MRPL9: variants seen among roughly 807,000 people sequenced by gnomAD.
MRPL9 encodes mitochondrial ribosomal protein L9.
MRPL9 carries 25 observed loss-of-function variants against 27.6 expected under a neutral mutation model. The observed-to-expected ratio is 0.91, with a 90% CI of 0.66 to 1.27. The LOEUF (loss-of-function observed/expected upper bound fraction) is 1.27, where lower values mean the gene tolerates loss of function less well. MRPL9 is among the 50% of genes most tolerant of loss of function. The pLI is 0.00. For synonymous variants in MRPL9, 154 were observed against 139.0 expected, an observed-to-expected ratio of 1.11 and a Z score of -0.76; for missense variants, 362 against 338.0, an observed-to-expected ratio of 1.07 and a Z score of -0.56.
rs868183846 is a variant in MRPL9, at chr1:151,760,902, GC to G, written c.589-4del. ...TGTGGGGCAACCACAACACCAAGCT[GC>G]AAAAAAAAAAAAAAAAAAAAAAATC... On this transcript the variant is annotated splice_polypyrimidine_tract_variant and splice_region_variant and intron_variant, in intron 5 of 6. Transcript: ENST00000368830. 26 of 1,021,700 alleles carry G rather than the reference GC, an allele frequency of 2.5e-5. No individual in the cohort carries two copies. Among genetic ancestry groups the G allele is most frequent in the South Asian group, 8.0e-5 (3 of 37,480 alleles). The allele number at this position is 1,021,700 out of a possible 1,614,324, so 63.3% of individuals were successfully genotyped here.
Position 151,760,041 on chromosome 1 carries a change from A to G in MRPL9, c.*9T>C, listed in dbSNP as rs1451892250. ...GATTCTGCTTTGCTGCCTTGGAGGG[A>G]GAGTAGATTTAGATCTGGGGGCTGG... is the stretch of plus-strand genomic sequence containing the variant. On this transcript the variant is annotated 3_prime_UTR_variant, in exon 7 of 7. Coordinates refer to ENST00000368830, the MANE Select transcript of MRPL9 (RefSeq NM_031420.4). The G allele has an allele frequency of 1.9e-6, 3 of 1,612,498 alleles. No individual in the cohort carries two copies. Among genetic ancestry groups the G allele is most frequent in the Non-Finnish European group, 2.5e-6 (3 of 1,179,118 alleles).
Position 151,761,549 on chromosome 1 carries a change from CT to C in MRPL9, c.489del (p.Val164Ter), listed in dbSNP as rs1466371099. On this transcript the variant is annotated frameshift_variant and splice_region_variant, in exon 5 of 7. Coordinates refer to ENST00000368830, the MANE Select transcript of MRPL9 (RefSeq NM_031420.4). LOFTEE classifies it high-confidence loss of function. The stretch of plus-strand genomic sequence containing the variant: ...AGGCGACAGCTTTTTAGAAATTTCA[CT>C]GTCTGAAAGGAATTATGAGTTTGAG... The part of the protein sequence containing the change: ...EKIQTKAGEA[T>X]VKFLKSCRLE... 1 of 1,608,512 alleles carries C rather than the reference CT, an allele frequency of 6.2e-7. No homozygotes were observed. The highest frequency in any genetic ancestry group is 1.7e-5 in the Admixed American group (1 of 60,004).
Position 151,762,514 on chromosome 1 carries a change from CAG to C in MRPL9, c.311-16_311-15del. 1.2e-6 allele frequency: 2 copies of C among 1,613,468 alleles called. No individual in the cohort carries two copies. Among genetic ancestry groups the C allele is most frequent in the South Asian group, 1.1e-5 (1 of 91,040 alleles). ...GGACTCCAACATCTGTCAATTAGAA[CAG>C]AGACAGGGGAATTAGAACCATCTAG... On this transcript the variant is annotated splice_polypyrimidine_tract_variant and intron_variant, in intron 2 of 6. Coordinates refer to ENST00000368830, the MANE Select transcript of MRPL9 (RefSeq NM_031420.4).
At chr1:151,761,608 G>A in intron 4 of MRPL9, 56 bp from the exon 5 acceptor site, 1 of 1,358,734 alleles carries the variant, frequency 7.4e-7, no homozygotes, top group South Asian at 1.2e-5. Context: ...GGGTCACAGG[G>A]TATGCAAGCC....
Position 151,762,489 on chromosome 1 carries a change from G to C in MRPL9, c.322C>G (p.Arg108Gly). 6.2e-7 allele frequency: 1 copy of C among 1,613,846 alleles called. No homozygotes were observed. The highest frequency in any genetic ancestry group is 1.1e-5 in the South Asian group (1 of 91,070). ...TTCTTCACTGAGACCAGGTCACCCCGGACTCCAACATCTGTCAATTAGAAC... is the reference window on the plus strand; with the variant it reads ...TTCTTCACTGAGACCAGGTCACCCCCGACTCCAACATCTGTCAATTAGAAC... ...LTQSVENVGV[R>G]GDLVSVKKSL... The change falls in exon 3 of 7, where the codon CGG (arginine) becomes GGG (glycine). Residue 108 changes from arginine (R) to glycine (G), a missense_variant. Arg to Gly is a moderately radical substitution (Grantham distance 125). Transcript: ENST00000368830.
rs367666698 is a variant in MRPL9, at chr1:151,763,160, A to G, written c.154-14T>C. 1.2e-6 allele frequency: 2 copies of G among 1,611,650 alleles called. No homozygotes were observed. Among genetic ancestry groups the G allele is most frequent in the Non-Finnish European group, 1.7e-6 (2 of 1,178,488 alleles). On this transcript the variant is annotated splice_polypyrimidine_tract_variant and intron_variant, in intron 1 of 6. Transcript: ENST00000368830. ...GATGACCGTGCCCTGGCGGCCAGGA[A>G]AGCGACGGTAAGCTAGTCTCCACAA...
Position 151,763,162 on chromosome 1 carries a change from G to A in MRPL9, c.154-16C>T. The stretch of plus-strand genomic sequence containing the variant: ...TGACCGTGCCCTGGCGGCCAGGAAA[G>A]CGACGGTAAGCTAGTCTCCACAAGG... On this transcript the variant is annotated splice_polypyrimidine_tract_variant and intron_variant, in intron 1 of 6. Coordinates refer to ENST00000368830, the MANE Select transcript of MRPL9 (RefSeq NM_031420.4). 2 of 1,611,708 alleles carry A rather than the reference G, an allele frequency of 1.2e-6. No homozygotes were observed. Among genetic ancestry groups the A allele is most frequent in the South Asian group, 1.1e-5 (1 of 90,848 alleles).
rs528081675 is a variant in MRPL9, at chr1:151,759,802, G to C, written c.*248C>G. ...AGCTAAACAGGTTTTGGATGGTTTC[G>C]GTCTACTGCATCTAGCTTATCAAAT... On this transcript the variant is annotated 3_prime_UTR_variant, in exon 7 of 7. Transcript: ENST00000368830. 1.8e-4 allele frequency: 73 copies of C among 414,868 alleles called. No homozygotes were observed. The highest frequency in any genetic ancestry group is 2.7e-4 in the Non-Finnish European group (65 of 239,028). The allele number at this position is 414,868 out of a possible 1,614,324, so 25.7% of individuals were successfully genotyped here.
At chr1:151,761,612 G>T in intron 4 of MRPL9, 60 bp from the exon 5 acceptor site, 1 of 1,270,530 alleles carries the variant, frequency 7.9e-7, no homozygotes, top group Non-Finnish European at 1.1e-6. Flanking sequence ...CACAGGGTAT[G>T]CAAGCCAAGC....
chr1:151,762,960 TGA>T (rs1558128704), intron 2 of MRPL9, 28 bp downstream of exon 2: 1 of 1,608,554 alleles, frequency 6.2e-7, no homozygotes, highest in Admixed American at 1.7e-5. Context: ...CGGACCAGCC[TGA>T]GAGGAAGCGC....
chr1:151,762,802 G>A, intron 2 of MRPL9, 188 bp downstream of exon 2: 1 of 791,854 alleles, frequency 1.3e-6, no homozygotes, highest in East Asian at 2.5e-5. Context: ...CTGCCTTTAT[G>A]TTTTAATTTT....
At chr1:151,760,323 A>G in intron 6 of MRPL9, 142 bp from the exon 7 acceptor site, 4 of 1,059,708 alleles carry the variant, frequency 3.8e-6, no homozygotes, top group Non-Finnish European at 5.5e-6. Flanking sequence ...TATGCCTGTA[A>G]TCCCAGCACT....
Position 151,762,436 on chromosome 1 carries a change from A to C in MRPL9, c.375T>G (p.Pro125=), listed in dbSNP as rs147989419. The C allele has an allele frequency of 1.2e-5, 20 of 1,614,066 alleles. No individual in the cohort carries two copies. Among genetic ancestry groups the C allele is most frequent in the African/African-American group, 2.7e-5 (2 of 74,922 alleles). The change falls in exon 3 of 7, where the codon CCT becomes CCG. Residue 125 remains proline, a synonymous_variant. Coordinates refer to ENST00000368830, the MANE Select transcript of MRPL9 (RefSeq NM_031420.4). ...GGGATGCATATACAGCCAGTCCCTG[A>C]GGAAGGAGTCGATTCCGGCCTAAAG... is the stretch of plus-strand genomic sequence containing the variant. ...KKSLGRNRLL[P]QGLAVYASPE...
At chr1:151,760,926 A>AAAAAAAAAAAAAAAAAAAAAAC (rs57922119) in intron 5 of MRPL9, 27 bp from the exon 6 acceptor site, 1 of 1,417,676 alleles carries the variant, frequency 7.1e-7, no homozygotes, top group Non-Finnish European at 9.6e-7. Context: ...AAAAAAAAAA[A>AAAAAAAAAAAAAAAAAAAAAAC]TCTCAGCTCA....
chr1:151,762,358 T>C lies in MRPL9; in HGVS notation c.435+18A>G. The C allele has an allele frequency of 6.2e-7, 1 of 1,614,042 alleles. No homozygotes were observed. Among genetic ancestry groups the C allele is most frequent in the Non-Finnish European group, 8.5e-7 (1 of 1,180,022 alleles). ...AGTTTTATCTCCCCAAGTCTCTCTGTCCTTCCTTTGAGCTCACCAATTTCT... is the reference window on the plus strand; with the variant it reads ...AGTTTTATCTCCCCAAGTCTCTCTGCCCTTCCTTTGAGCTCACCAATTTCT... On this transcript the variant is annotated intron_variant, in intron 3 of 6. Transcript: ENST00000368830.
At chr1:151,762,926 G>A (rs1277345136) in intron 2 of MRPL9, 64 bp downstream of exon 2, 1 of 1,565,198 alleles carries the variant, frequency 6.4e-7, no homozygotes, top group African/African-American at 1.4e-5. Flanking sequence ...GAGGGGGACG[G>A]GCTAGAAAAA....
intron 3 of MRPL9, 48 bp from the exon 4 acceptor site, chr1:151,762,203 C>A: frequency 6.3e-7 from 1 of 1,597,914 alleles, no homozygotes; most frequent in Non-Finnish European, 8.6e-7. Context: ...AAAATGAGCC[C>A]ATGTTAAATA....
At position 151,760,154 on chromosome 1, in the gene MRPL9, G is replaced by A; in HGVS notation, c.700C>T (p.Pro234Ser). ...TTCTCAAAGTTCACGACAGACATAG[G>A]CACTCTCACAGTATCAAGCCCATTT... The part of the protein sequence containing the change: ...TVNGLDTVRV[P>S]MSVVNFEKPK... The change falls in exon 7 of 7, where the codon CCT becomes TCT. Residue 234 changes from proline (P) to serine (S), a missense_variant. By Grantham distance (74) the Pro-to-Ser change is moderately conservative. Coordinates refer to ENST00000368830, the MANE Select transcript of MRPL9 (RefSeq NM_031420.4). 6.2e-7 allele frequency: 1 copy of A among 1,614,066 alleles called. No homozygotes were observed. The highest frequency in any genetic ancestry group is 8.5e-7 in the Non-Finnish European group (1 of 1,179,992).
Position 151,760,801 on chromosome 1 carries a change from AT to A in MRPL9, c.672+14del. ...GGAGAAAGAAAAGAAAAAAGAAAGTATGCAAAACACTCACCGTCACCTCACA... is the reference window on the plus strand; with the variant it reads ...GGAGAAAGAAAAGAAAAAAGAAAGTAGCAAAACACTCACCGTCACCTCACA... On this transcript the variant is annotated intron_variant, in intron 6 of 6. Transcript: ENST00000368830. The A allele has an allele frequency of 6.4e-7, 1 of 1,557,208 alleles. No individual in the cohort carries two copies. The highest frequency in any genetic ancestry group is 8.6e-7 in the Non-Finnish European group (1 of 1,158,734).
Sources: gnomAD v4.1 joint callset for allele counts on GRCh38, gnomAD v4.1.1 for gene constraint, MANE v1.5 for transcripts, NCBI Gene and HGNC (gene_info 2026-07-23, HGNC 2026-07-21) for gene names.